The following SLC48A1 variants were observed in gnomAD, a reference collection of about 807,000 sequenced individuals.
SLC48A1 encodes solute carrier family 48 member 1.
Under a neutral mutation model 14.8 loss-of-function variants are expected in SLC48A1, and 6 were observed. The observed-to-expected ratio is 0.41, with a 90% CI of 0.22 to 0.80. The LOEUF (loss-of-function observed/expected upper bound fraction) is 0.80, where lower values mean the gene tolerates loss of function less well. SLC48A1 is among the 30% of genes least tolerant of loss of function. The pLI is 0.34. For synonymous variants in SLC48A1, 89 were observed against 90.0 expected (o/e 0.99, Z 0.06); for missense variants, 165 against 204.8 (o/e 0.81, Z 1.19).
chr12:47,758,125 C>T (rs775251841), upstream of SLC48A1: 9 of 1,529,566 alleles, frequency 5.9e-6, no homozygotes, highest in Non-Finnish European at 7.0e-6. Flanking sequence ...ACGACTGGGG[C>T]GGCTGGGCCA....
At chr12:47,762,007 G>C (rs2136843043) in intron 2 of SLC48A1, among the ~76,000 whole-genome samples, 1 of 152,134 alleles carries the variant, frequency 6.6e-6, no homozygotes, top group East Asian at 1.9e-4. Flanking sequence ...CTGCAGTCCT[G>C]CCTCTGAAAC....
In SLC48A1 at chr12:47,777,863, T is replaced by G. The variant is rs1017233499; in HGVS notation, c.137-1165T>G. 6.6e-6 allele frequency among the ~76,000 whole-genome samples: 1 copy of G among 151,874 alleles called. No homozygotes were observed. Among genetic ancestry groups the G allele is most frequent in the Non-Finnish European group, 1.5e-5 (1 of 67,948 alleles). ...CCACCGCCCCATCAACTTCCCTTCC[T>G]TGTCTCCATTGCCAGAGATAACCAC... On this transcript the variant is annotated intron_variant, in intron 1 of 2. Transcript: ENST00000442218. The surrounding 1 kb of genome is among the most constrained non-coding windows in gnomAD (Gnocchi z 4.5).
upstream of SLC48A1, chr12:47,758,255 C>G (rs139570113): frequency 8.4e-6 from 12 of 1,432,602 alleles, no homozygotes; most frequent in African/African-American, 1.4e-5. Flanking sequence ...TGGGGCCTGC[C>G]GGTCTGGCGC....
In SLC48A1 at chr12:47,779,060, G is replaced by A. The variant is rs963271797; in HGVS notation, c.169G>A (p.Val57Met). ...GGCACTGTGGGTCCTGGTGACGCAC[G>A]TGATGTACATGCAAGATTATTGGAG... ...VLALWVLVTH[V>M]MYMQDYWRTW... The change falls in exon 2 of 3, where the codon GTG (valine) becomes ATG (methionine). Residue 57 changes from valine to methionine, a missense_variant. By Grantham distance (21) the Val-to-Met change is conservative. Transcript: ENST00000442218. 19 of 1,551,686 alleles carry A rather than the reference G, an allele frequency of 1.2e-5. No individual in the cohort carries two copies. Among genetic ancestry groups the A allele is most frequent in the African/African-American group, 2.7e-5 (2 of 73,044 alleles).
At chr12:47,757,168 A>G (rs11168228), upstream of SLC48A1, among the ~76,000 whole-genome samples, 52,153 of 151,630 alleles carry the variant, frequency 0.34, 9,430 homozygotes, top group South Asian at 0.53. Context: ...AAGCTAAGCT[A>G]CTCTATTTAG....
intron 2 of SLC48A1, among the ~76,000 whole-genome samples, chr12:47,765,430 C>T (rs1006328996): frequency 1.3e-5 from 2 of 152,242 alleles, no homozygotes; most frequent in Non-Finnish European, 2.9e-5. Flanking sequence ...GCCTGCTTTG[C>T]CTCTGGTGGA....
chr12:47,757,452 A>G (rs890352193), upstream of SLC48A1, among the ~76,000 whole-genome samples: 3 of 152,122 alleles, frequency 2.0e-5, no homozygotes, highest in Non-Finnish European at 4.4e-5. Flanking sequence ...TCAGTAACTC[A>G]CTAAAGGAGA....
upstream of SLC48A1, chr12:47,756,619 G>A (rs1363419138): frequency 6.6e-6 from 1 of 152,082 alleles, no homozygotes; most frequent in African/African-American, 2.4e-5. Context: ...GTTGGGCAAG[G>A]TAGGGGGAAG....
At position 47,779,150 on chromosome 12, in the gene SLC48A1, G is replaced by C. The variant is rs775333312; in HGVS notation, c.259G>C (p.Ala87Pro). 1.3e-4 allele frequency: 208 copies of C among 1,551,716 alleles called. No homozygotes were observed. Among genetic ancestry groups the C allele is most frequent in the Non-Finnish European group, 3.7e-5 (43 of 1,147,036 alleles). ...VGVLFSAVSI[A>P]AFCTFLVLAI... ...CGTCCTCTTCTCGGCCGTCTCCATC[G>C]CTGCCTTCTGCACCTTCCTCGTGCT... The change falls in exon 2 of 3, where the codon GCT becomes CCT. Residue 87 changes from alanine (A) to proline (P), a missense_variant. Physicochemically the swap from Ala to Pro is conservative, Grantham distance 27 (BLOSUM62 -1). Coordinates refer to ENST00000442218, the MANE Select transcript of SLC48A1 (RefSeq NM_017842.3).
intron 2 of SLC48A1, 64 bp from the exon 3 acceptor site, chr12:47,780,081 T>C: frequency 6.8e-7 from 1 of 1,461,832 alleles, no homozygotes; most frequent in Non-Finnish European, 9.1e-7. Context: ...CCTGGCCTTG[T>C]GGCCGGTGCA....
upstream of SLC48A1, chr12:47,758,369 T>C (rs1283225026): frequency 7.4e-6 from 11 of 1,481,442 alleles, no homozygotes; most frequent in Non-Finnish European, 9.9e-6. Flanking sequence ...GGATCTCCAC[T>C]ACCTCCCAGT....
chr12:47,771,646 AGGC>A (rs1370986837), upstream of SLC48A1: 2 of 152,378 alleles, frequency 1.3e-5, no homozygotes, highest in Non-Finnish European at 2.9e-5. Context: ...AAGCTGGAAA[AGGC>A]GGCCGGGCAC....
chr12:47,772,904 A>T (rs1942655991), upstream of SLC48A1, among the ~76,000 whole-genome samples: 1 of 152,218 alleles, frequency 6.6e-6, no homozygotes, highest in South Asian at 2.1e-4. Context: ...TTTAACAAGA[A>T]ATTTTAATTT....
chr12:47,769,219 C>T (rs1942577081), upstream of SLC48A1: 1 of 152,248 alleles, frequency 6.6e-6, no homozygotes, highest in African/African-American at 2.4e-5. Context: ...TTGGGAGGTA[C>T]TGTGCCCAGA....
At chr12:47,775,391 T>C (rs1942727334) in intron 1 of SLC48A1, among the ~76,000 whole-genome samples, 1 of 150,748 alleles carries the variant, frequency 6.6e-6, no homozygotes, top group Non-Finnish European at 1.5e-5. Flanking sequence ...GGGCAGCAGC[T>C]CGCTAGGGCA....
upstream of SLC48A1, chr12:47,758,489 CG>C (rs776637200): frequency 7.8e-4 from 1,243 of 1,596,848 alleles, 1 homozygote; most frequent in Non-Finnish European, 9.9e-4. Flanking sequence ...AACTCCCCAC[CG>C]TGTCAGCTTC....
At chr12:47,758,511 C>A (rs776234792), upstream of SLC48A1, 5 of 1,609,408 alleles carry the variant, frequency 3.1e-6, no homozygotes, top group Non-Finnish European at 4.2e-6. Flanking sequence ...CTCTCCCGCC[C>A]TCTCCTGCTC....
At chr12:47,754,157 C>T (rs901116808), upstream of SLC48A1, 3 of 152,252 alleles carry the variant, frequency 2.0e-5, no homozygotes, top group African/African-American at 7.2e-5. Context: ...TCAATAAGGG[C>T]ACCAGGATTC....
At chr12:47,773,225 G>A (rs1942664710), upstream of SLC48A1, 2 of 1,111,428 alleles carry the variant, frequency 1.8e-6, no homozygotes, top group Non-Finnish European at 1.1e-6. Context: ...CGGCTCCCGC[G>A]GCTCCGGCTG....
Sources: gnomAD v4.1 joint callset for allele counts (sites outside exome capture counted in the v4.1 genomes callset) on GRCh38, gnomAD v4.1.1 for gene constraint, Gnocchi (gnomAD v3.1) non-coding constraint, MANE v1.5 for transcripts, NCBI Gene and HGNC (gene_info 2026-07-23, HGNC 2026-07-21) for gene names.